The following MIA2 variants were observed in gnomAD, a reference collection of about 807,000 sequenced individuals.
MIA2 encodes the protein MIA SH3 domain ER export factor 2, also known as melanoma inhibitory activity protein 2.
MIA2 carries 127 observed loss-of-function variants against 167.8 expected under a neutral mutation model. The ratio of observed to expected loss-of-function variants is 0.76; its 90% CI spans 0.66 to 0.88. The LOEUF is 0.88. Ranked by LOEUF, MIA2 falls within the 40% of genes least tolerant of loss-of-function variation. The pLI is 0.00. For missense variants in MIA2, 1,690 were observed against 1,624.7 expected (o/e 1.04, Z -0.69); for synonymous variants, 552 against 541.9 (o/e 1.02, Z -0.26).
chr14:39,378,253 A>G (rs1438836288), intron 23 of MIA2, among the ~76,000 whole-genome samples: 1 of 152,232 alleles, frequency 6.6e-6, no homozygotes, highest in Non-Finnish European at 1.5e-5. Context: ...AACAAAAAGA[A>G]TCAGCAAATG....
chr14:39,329,855 G>A (rs551632660), intron 25 of MIA2, among the ~76,000 whole-genome samples: 1 of 152,184 alleles, frequency 6.6e-6, no homozygotes, highest in Admixed American at 6.5e-5. Context: ...TTAATGTGCT[G>A]CTTGATTTGG....
At chr14:39,332,084 A>G (rs1012807634) in intron 25 of MIA2, among the ~76,000 whole-genome samples, 2 of 152,202 alleles carry the variant, frequency 1.3e-5, no homozygotes, top group Non-Finnish European at 2.9e-5. Context: ...CACCAATCAA[A>G]TATAGGTTTG....
intron 23 of MIA2, among the ~76,000 whole-genome samples, chr14:39,359,992 G>GTTTTTTTTTT (rs58076493): frequency 2.3e-5 from 3 of 128,818 alleles, no homozygotes; most frequent in Non-Finnish European, 5.0e-5. Context: ...TCTGCAGCAT[G>GTTTTTTTTTT]TTTTTTTTTT....
At chr14:39,290,333 T>G (rs114347260) in intron 9 of MIA2, among the ~76,000 whole-genome samples, 155 of 152,292 alleles carry the variant, frequency 1.0e-3, no homozygotes, top group African/African-American at 3.6e-3. Flanking sequence ...TATATATTTT[T>G]TTTTTTGGTA....
At chr14:39,309,905 T>G (rs1459351630) in intron 18 of MIA2, among the ~76,000 whole-genome samples, 2 of 151,682 alleles carry the variant, frequency 1.3e-5, no homozygotes, top group East Asian at 3.9e-4. Context: ...CCTTGAGATA[T>G]CTGAAGACTC....
At chr14:39,298,472 C>T (rs866337107) in intron 13 of MIA2, among the ~76,000 whole-genome samples, 1 of 99,618 alleles carries the variant, frequency 1.0e-5, no homozygotes, top group Non-Finnish European at 2.1e-5. Context: ...GTTCGGAATA[C>T]GCTAATGAAG....
chr14:39,248,998 C>G (rs936844231), intron 4 of MIA2, among the ~76,000 whole-genome samples: 3 of 152,168 alleles, frequency 2.0e-5, no homozygotes. Context: ...CTCAGCCGCC[C>G]AAACTGCTAG....
chr14:39,342,254 A>G (rs547040037), intron 25 of MIA2, among the ~76,000 whole-genome samples: 7 of 149,494 alleles, frequency 4.7e-5, no homozygotes, highest in South Asian at 4.2e-4. Context: ...GAGTGAGAAC[A>G]TGCAGTGTTT....
At chr14:39,269,543 G>T (rs192384670) in intron 6 of MIA2, among the ~76,000 whole-genome samples, 1 of 149,934 alleles carries the variant, frequency 6.7e-6, no homozygotes, top group South Asian at 2.1e-4. Context: ...TTTTGAGACA[G>T]GGTCTCATCC....
rs780942870 is a variant in MIA2, at chr14:39,247,762, G to A, written c.1188G>A (p.Met396Ile). 3.1e-6 allele frequency: 5 copies of A among 1,613,506 alleles called. No homozygotes were observed. The African/African-American group carries it at 5.3e-5, about 17-fold the overall frequency. ...CATATGCCAAGGAAGATAAAATTAT[G>A]TTAGATGACAGGAAAAATGAAGAAG... ...GFAYAKEDKI[M>I]LDDRKNEEDG... is the part of the protein sequence containing the mutation. Residue 396 changes from methionine (M) to isoleucine (I), a missense_variant, in exon 4 of 29, where the codon ATG (methionine) becomes ATA (isoleucine). Transcript: ENST00000640607.
chr14:39,354,303 C>A (rs1341477339), downstream of MIA2, among the ~76,000 whole-genome samples: 1 of 152,192 alleles, frequency 6.6e-6, no homozygotes, highest in Non-Finnish European at 1.5e-5. Flanking sequence ...ATTTGCATTT[C>A]TCTGATGGCC....
Position 39,342,668 on chromosome 14 carries a change from A to G in MIA2, c.3656-3236A>G, listed in dbSNP as rs531912535. On this transcript the variant is annotated intron_variant, in intron 25 of 28. Transcript: ENST00000640607. ...CACCCTTGAGAATTTACATATTAAT[A>G]TTTGCTTCAGATATATATGTGTTTG... 5.4e-4 allele frequency among the ~76,000 whole-genome samples: 82 copies of G among 152,298 alleles called. No individual in the cohort carries two copies. The South Asian group carries it at 0.016, about 30-fold the overall frequency.
chr14:39,265,505 C>A, intron 6 of MIA2: 3 of 1,017,630 alleles, frequency 2.9e-6, no homozygotes, highest in Non-Finnish European at 4.5e-6. Flanking sequence ...TGTGTTTTTG[C>A]TATGGGGGGA....
chr14:39,285,814 C>T (rs1268255880), intron 9 of MIA2, among the ~76,000 whole-genome samples: 23 of 150,826 alleles, frequency 1.5e-4, no homozygotes, highest in Non-Finnish European at 2.1e-4. Flanking sequence ...ATGGGGCGGC[C>T]GGGCAGAGAC....
At chr14:39,267,396 G>A (rs376894456) in intron 6 of MIA2, 25 of 1,606,798 alleles carry the variant, frequency 1.6e-5, no homozygotes, top group Admixed American at 3.4e-5. Context: ...TGTGTTCTCC[G>A]CCGTTTATTG....
exon 24 of MIA2, chr14:39,387,053 G>A (rs2075284024): frequency 7.3e-6 from 5 of 689,284 alleles, no homozygotes; most frequent in South Asian, 4.0e-5. Context: ...GGTAGCTGGC[G>A]GCGGGTAATC....
intron 25 of MIA2, among the ~76,000 whole-genome samples, chr14:39,337,088 C>A (rs181882544): frequency 2.0e-5 from 3 of 152,224 alleles, no homozygotes; most frequent in Admixed American, 2.0e-4. Context: ...TGTTTCATTT[C>A]TTTGGACCTT....
intron 1 of MIA2, among the ~76,000 whole-genome samples, chr14:39,236,697 T>C (rs1305648139): frequency 6.6e-6 from 1 of 152,010 alleles, no homozygotes; most frequent in Admixed American, 6.6e-5. Context: ...TCCTTTCAAA[T>C]AGAGAAAGGG....
At chr14:39,315,779 GTTGT>G (rs1167458414) in intron 21 of MIA2, 61 bp downstream of exon 21, 3 of 1,117,512 alleles carry the variant, frequency 2.7e-6, no homozygotes, top group East Asian at 2.5e-5. Flanking sequence ...CAGAAGATAC[GTTGT>G]TTATTTAAAT....
Sources: allele counts gnomAD v4.1 joint callset (sites outside exome capture counted in the v4.1 genomes callset), GRCh38; gene constraint gnomAD v4.1.1; transcripts MANE v1.5; gene names NCBI Gene and HGNC (gene_info 2026-07-23, HGNC 2026-07-21).